The following ABCE1 variants were observed in gnomAD, a reference collection of about 807,000 sequenced individuals.
ABCE1 encodes the protein ATP binding cassette subfamily E member 1, also known as ATP-binding cassette sub-family E member 1.
In ABCE1, 22 loss-of-function variants were observed where a neutral mutation model predicts 83.4. That is an observed-to-expected ratio of 0.26 (90% CI 0.19 to 0.38). The LOEUF is 0.38. Ranked by LOEUF, ABCE1 falls within the 10% of genes least tolerant of loss-of-function variation. The pLI is 1.00. For missense variants in ABCE1, 330 were observed against 721.9 expected (o/e 0.46, Z 6.22); for synonymous variants, 204 against 233.7 (o/e 0.87, Z 1.16).
chr4:145,109,457 G>C (rs1749400829), intron 5 of ABCE1, among the ~76,000 whole-genome samples: 1 of 152,140 alleles, frequency 6.6e-6, no homozygotes, highest in Non-Finnish European at 1.5e-5. Context: ...GTTAAGCCTT[G>C]ATCTGAAGCA....
intron 3 of ABCE1, among the ~76,000 whole-genome samples, chr4:145,106,051 T>C (rs1227039595): frequency 6.6e-6 from 1 of 152,020 alleles, no homozygotes; most frequent in Non-Finnish European, 1.5e-5. Flanking sequence ...CCAAAAATTT[T>C]AAAATTTAAC....
At chr4:145,103,766 GTTT>G (rs4148236) in intron 1 of ABCE1, among the ~76,000 whole-genome samples, 1 of 138,442 alleles carries the variant, frequency 7.2e-6, no homozygotes, top group Non-Finnish European at 1.6e-5. Flanking sequence ...GTTGGTTGGG[GTTT>G]TTTTTTTTTT....
At position 145,111,100 on chromosome 4, in the gene ABCE1, G is replaced by A. The variant is rs188014258; in HGVS notation, c.710+36G>A. 4.5e-4 allele frequency: 644 copies of A among 1,415,514 alleles called. 4 individuals carry two copies. Among genetic ancestry groups the A allele is most frequent in the South Asian group, 1.7e-3 (133 of 80,528 alleles). 87.7% of individuals were successfully genotyped at this position (1,415,514 alleles called of 1,614,324 possible). A position where few individuals can be genotyped will look rare whatever the true frequency, so the allele number is the denominator to read the frequency against. Reference sequence around the variant, plus strand: ...TTACAATTTTTGTTTATCTTCATCCGTATTGTAGAGTTTTCAGTTGTGATG... The same window carrying A: ...TTACAATTTTTGTTTATCTTCATCCATATTGTAGAGTTTTCAGTTGTGATG... On this transcript the variant is annotated intron_variant, in intron 8 of 17. Coordinates refer to ENST00000296577, the MANE Select transcript of ABCE1 (RefSeq NM_002940.3).
At chr4:145,111,560 T>G (rs1749476147) in intron 8 of ABCE1, among the ~76,000 whole-genome samples, 1 of 152,136 alleles carries the variant, frequency 6.6e-6, no homozygotes, top group Non-Finnish European at 1.5e-5. Context: ...TCTCCTGACC[T>G]CAATGATCCA....
intron 9 of ABCE1, among the ~76,000 whole-genome samples, chr4:145,115,601 A>C (rs1264103940): frequency 1.3e-5 from 2 of 151,710 alleles, no homozygotes; most frequent in Non-Finnish European, 3.0e-5. Flanking sequence ...TTACTCTAGA[A>C]TTGTGCTGTA....
rs201007916 is a variant in ABCE1 at position 145,124,614 on chromosome 4, CATATAA to C, written c.1641-369_1641-364del. Among the ~76,000 whole-genome samples, 625 of 152,254 alleles carry C rather than the reference CATATAA, an allele frequency of 4.1e-3. 6 individuals are homozygous for C. The highest frequency in any genetic ancestry group is 0.014 in the African/African-American group (571 of 41,560). ...ATATTCCCTCCAGTAACAAATTTTT[CATATAA>C]ATATAACTTTTTAAGATTCTCATCC... On this transcript the variant is annotated intron_variant, in intron 16 of 17. Coordinates refer to ENST00000296577, the MANE Select transcript of ABCE1 (RefSeq NM_002940.3).
At chr4:145,102,854 C>A (rs566312190) in intron 1 of ABCE1, among the ~76,000 whole-genome samples, 1 of 151,996 alleles carries the variant, frequency 6.6e-6, no homozygotes, top group South Asian at 2.1e-4. Context: ...AGAAGGATTG[C>A]AATTACTGGT....
intron 5 of ABCE1, 114 bp from the exon 6 acceptor site, chr4:145,109,989 G>C (rs545516383): frequency 8.4e-5 from 83 of 986,404 alleles, no homozygotes; most frequent in Non-Finnish European, 1.1e-4. Flanking sequence ...CCAACCTTAA[G>C]TTAAAAGCCA....
At chr4:145,123,726 A>C in intron 16 of ABCE1, 126 bp downstream of exon 16, 1 of 967,968 alleles carries the variant, frequency 1.0e-6, no homozygotes, top group East Asian at 2.8e-5. Context: ...GTGACTCCTG[A>C]GATCATTGGT....
rs1315553153 is a variant in ABCE1 at position 145,098,941 on chromosome 4, A to G, written c.-28+522A>G. Among the ~76,000 whole-genome samples, 15 of 152,226 alleles carry G rather than the reference A, an allele frequency of 9.9e-5. No individual in the cohort carries two copies. In the East Asian group the frequency reaches 2.9e-3, roughly 29 times the overall value. ...CGCTGTCCACTCCCAGGCTTTATAG[A>G]AATGATGCCCACATGTCACTCTGCT... On this transcript the variant is annotated intron_variant, in intron 1 of 17. Transcript: ENST00000296577.
In ABCE1 at chr4:145,108,984, T is replaced by C. The variant is rs1749387749; in HGVS notation, c.288-148T>C. 5.3e-6 allele frequency: 3 copies of C among 565,796 alleles called. No homozygotes were observed. The South Asian group carries it at 8.3e-5, about 16-fold the overall frequency. 35.0% of individuals were successfully genotyped at this position (565,796 alleles called of 1,614,324 possible). ...CCATTAATCTTGGCTGTTTTTTTCC[T>C]AATAGCCAGTAATATCTGGCATATG... On this transcript the variant is annotated intron_variant, in intron 4 of 17. Coordinates refer to ENST00000296577, the MANE Select transcript of ABCE1 (RefSeq NM_002940.3).
At chr4:145,114,808 C>T (rs1034361651) in intron 9 of ABCE1, among the ~76,000 whole-genome samples, 1 of 151,978 alleles carries the variant, frequency 6.6e-6, no homozygotes, top group African/African-American at 2.4e-5. Flanking sequence ...TAAGACATTT[C>T]ACAAGTGGGC....
chr4:145,110,936 C>T, intron 7 of ABCE1, 32 bp from the exon 8 acceptor site: 3 of 1,460,834 alleles, frequency 2.1e-6, no homozygotes, highest in Non-Finnish European at 2.8e-6. Flanking sequence ...AGGTGAAATA[C>T]ATTGAGCACA....
At chr4:145,103,750 G>T (rs1749216360) in intron 1 of ABCE1, among the ~76,000 whole-genome samples, 1 of 146,984 alleles carries the variant, frequency 6.8e-6, no homozygotes, top group Non-Finnish European at 1.5e-5. Flanking sequence ...GATTTGCTTT[G>T]TCTGGGTTGG....
At chr4:145,121,060 A>G in intron 11 of ABCE1, 114 bp from the exon 12 acceptor site, 2 of 920,008 alleles carry the variant, frequency 2.2e-6, no homozygotes, top group Non-Finnish European at 3.4e-6. Context: ...GAATTCAATA[A>G]TGTCAGTGTA....
intron 8 of ABCE1, among the ~76,000 whole-genome samples, chr4:145,111,703 C>G (rs1245999331): frequency 1.3e-5 from 2 of 152,114 alleles, no homozygotes; most frequent in African/African-American, 4.8e-5. Flanking sequence ...AAGCAAGACG[C>G]GAGGTCTTTT....
At chr4:145,104,589 C>G in intron 2 of ABCE1, 74 bp downstream of exon 2, 1 of 951,966 alleles carries the variant, frequency 1.1e-6, no homozygotes, top group Non-Finnish European at 1.5e-6. Context: ...TAATTCTTTA[C>G]GGACATTAAC....
intron 13 of ABCE1, chr4:145,121,636 G>A (rs1749747003): frequency 2.8e-6 from 1 of 359,604 alleles, no homozygotes; most frequent in Non-Finnish European, 5.1e-6. Context: ...CACTTCGGGA[G>A]GCCTAGGCCA....
chr4:145,117,905 T>C (rs1369877619), intron 10 of ABCE1, among the ~76,000 whole-genome samples: 1 of 151,800 alleles, frequency 6.6e-6, no homozygotes, highest in African/African-American at 2.4e-5. Flanking sequence ...TTAGTCTTTG[T>C]ACTTCCAAGA....
Sources: allele counts gnomAD v4.1 joint callset (sites outside exome capture counted in the v4.1 genomes callset), GRCh38; gene constraint gnomAD v4.1.1; transcripts MANE v1.5; gene names NCBI Gene and HGNC (gene_info 2026-07-23, HGNC 2026-07-21).